Variants in OCA2 observed in about 807,000 individuals in gnomAD.
OCA2 encodes P protein.
OCA2 carries 77 observed loss-of-function variants against 100.2 expected under a neutral mutation model. The observed-to-expected ratio is 0.77, with a 90% CI of 0.64 to 0.93. OCA2 has a LOEUF of 0.93. OCA2 is among the 40% of genes least tolerant of loss of function. The pLI is 0.00. For synonymous variants in OCA2, 432 were observed against 439.2 expected, an observed-to-expected ratio of 0.98 and a Z score of 0.21; for missense variants, 1,062 against 1,089.1, an observed-to-expected ratio of 0.98 and a Z score of 0.35.
At chr15:27,830,674 TGA>T (rs1255437787) in intron 23 of OCA2, among the ~76,000 whole-genome samples, 1 of 152,112 alleles carries the variant, frequency 6.6e-6, no homozygotes, top group African/African-American at 2.4e-5. Context: ...GTATATCAAC[TGA>T]GAGGGGAGAT....
chr15:27,871,282 G>GC (rs1273059507), intron 20 of OCA2, 24 bp from the exon 21 acceptor site: 2 of 1,574,150 alleles, frequency 1.3e-6, no homozygotes, highest in East Asian at 2.2e-5. Flanking sequence ...AATAGCAGCT[G>GC]CAGTGTTCCA....
intron 14 of OCA2, among the ~76,000 whole-genome samples, chr15:27,982,988 G>C (rs2041217175): frequency 2.0e-5 from 3 of 152,116 alleles, no homozygotes; most frequent in Admixed American, 6.5e-5. Context: ...ACCACAGTTT[G>C]GGAATCCCAT....
At chr15:27,989,767 G>T in intron 10 of OCA2, 101 bp from the exon 11 acceptor site, 1 of 1,064,026 alleles carries the variant, frequency 9.4e-7, no homozygotes. Flanking sequence ...CTCAGTGGGC[G>T]GGCCAGGGTT....
At chr15:27,859,175 T>C (rs1414062201) in intron 21 of OCA2, among the ~76,000 whole-genome samples, 1 of 151,926 alleles carries the variant, frequency 6.6e-6, no homozygotes, top group Non-Finnish European at 1.5e-5. Flanking sequence ...TAAGATAGAT[T>C]AGAAGAGAGA....
At chr15:27,929,569 T>G (rs986415600) in intron 18 of OCA2, among the ~76,000 whole-genome samples, 2 of 152,110 alleles carry the variant, frequency 1.3e-5, no homozygotes, top group African/African-American at 2.4e-5. Flanking sequence ...TCTCTGACCC[T>G]GAGTTAAAGG....
chr15:27,819,728 G>GTA (rs2034434742), intron 23 of OCA2, among the ~76,000 whole-genome samples: 1 of 151,932 alleles, frequency 6.6e-6, no homozygotes, highest in African/African-American at 2.4e-5. Flanking sequence ...GTGTGTGTGT[G>GTA]TATACAAACT....
At chr15:27,776,248 G>A (rs886883442) in intron 23 of OCA2, among the ~76,000 whole-genome samples, 4 of 152,168 alleles carry the variant, frequency 2.6e-5, no homozygotes, top group African/African-American at 9.7e-5. Context: ...AGTGGCAGTG[G>A]CCTCATCTGC....
intron 23 of OCA2, among the ~76,000 whole-genome samples, chr15:27,811,912 G>A (rs1466273115): frequency 2.0e-5 from 3 of 152,176 alleles, no homozygotes; most frequent in African/African-American, 7.2e-5. Context: ...CAGCAAACAG[G>A]AGCCCCTCCC....
chr15:27,913,467 A>T (rs1054085940), intron 19 of OCA2, among the ~76,000 whole-genome samples: 3 of 152,226 alleles, frequency 2.0e-5, no homozygotes, highest in African/African-American at 7.2e-5. Flanking sequence ...TAATCCAAAA[A>T]TGTCTTGCTT....
In OCA2 at chr15:27,827,895, TTA is replaced by T. The variant is rs200231779; in HGVS notation, c.2432+17062_2432+17063del. Among the ~76,000 whole-genome samples the T allele has an allele frequency of 1.2e-4, 19 of 152,292 alleles. No homozygotes were observed. The East Asian group carries it at 3.3e-3, about 26-fold the overall frequency. On this transcript the variant is annotated intron_variant, in intron 23 of 23. Transcript: ENST00000354638. Reference sequence around the variant, plus strand: ...AACTGACAGGTTTTTCATAATCTCTTTATATATAGAAACGAAGACACTTGAAA... The same window carrying T: ...AACTGACAGGTTTTTCATAATCTCTTTATATAGAAACGAAGACACTTGAAA...
intron 18 of OCA2, among the ~76,000 whole-genome samples, chr15:27,930,063 C>T (rs372552526): frequency 3.3e-5 from 5 of 152,190 alleles, no homozygotes; most frequent in Admixed American, 6.6e-5. Flanking sequence ...TCAACCATTC[C>T]GGAAAACAGC....
intron 15 of OCA2, among the ~76,000 whole-genome samples, chr15:27,963,209 ATAAT>A (rs1267038917): frequency 6.6e-6 from 1 of 152,200 alleles, no homozygotes; most frequent in Admixed American, 6.5e-5. Context: ...CCATCTCTCA[ATAAT>A]TAAACAAGTA....
intron 23 of OCA2, among the ~76,000 whole-genome samples, chr15:27,799,742 C>T (rs1362240123): frequency 1.0e-5 from 1 of 96,884 alleles, no homozygotes; most frequent in African/African-American, 3.8e-5. Flanking sequence ...AAGACTCCGT[C>T]TAAAAAAAAA....
chr15:27,912,007 C>T (rs918896477), intron 19 of OCA2, among the ~76,000 whole-genome samples: 1 of 152,148 alleles, frequency 6.6e-6, no homozygotes, highest in Non-Finnish European at 1.5e-5. Context: ...GTTAGCAATT[C>T]TGTAACTACT....
chr15:27,721,584 A>C, the OCA2 span, among the ~76,000 whole-genome samples: 2 of 152,224 alleles, frequency 1.3e-5, no homozygotes, highest in Admixed American at 1.3e-4. Flanking sequence ...CCTTCACGTA[A>C]TAAAGTGATT....
the OCA2 span, among the ~76,000 whole-genome samples, chr15:27,740,355 G>A: frequency 2.6e-5 from 4 of 151,992 alleles, no homozygotes; most frequent in Non-Finnish European, 4.4e-5. Context: ...GCCAGCCCCC[G>A]TGCCCGTCCT....
intron 23 of OCA2, among the ~76,000 whole-genome samples, chr15:27,837,705 A>G (rs927796417): frequency 2.6e-5 from 4 of 152,042 alleles, no homozygotes; most frequent in Non-Finnish European, 5.9e-5. Context: ...ATTGACATAC[A>G]CTGGGCTCCA....
At chr15:27,759,073 G>A (rs943107643) in intron 23 of OCA2, among the ~76,000 whole-genome samples, 1 of 152,086 alleles carries the variant, frequency 6.6e-6, no homozygotes, top group Non-Finnish European at 1.5e-5. Context: ...AGCAGTCAGA[G>A]ATAAATGACA....
chr15:28,074,798 G>C (rs1226113246), intron 2 of OCA2, among the ~76,000 whole-genome samples: 1 of 152,056 alleles, frequency 6.6e-6, no homozygotes, highest in African/African-American at 2.4e-5. Context: ...AGTAAGCCGA[G>C]ATAACACCAC....
Sources: gnomAD v4.1 joint callset for allele counts (sites outside exome capture counted in the v4.1 genomes callset) on GRCh38, gnomAD v4.1.1 for gene constraint, MANE v1.5 for transcripts, NCBI Gene and HGNC (gene_info 2026-07-23, HGNC 2026-07-21) for gene names.